Variants in FBLN7 observed in about 807,000 individuals in gnomAD.
The protein encoded by FBLN7 is fibulin-7.
FBLN7 carries 31 observed loss-of-function variants against 44.0 expected under a neutral mutation model. The observed-to-expected ratio is 0.70, with a 90% CI of 0.53 to 0.95. FBLN7 has a LOEUF of 0.95. Among genes scored for constraint, FBLN7 ranks in the 40% least tolerant of loss-of-function variants. The pLI is 0.00. For synonymous variants in FBLN7, 262 were observed against 253.4 expected (o/e 1.03, Z -0.32); for missense variants, 573 against 618.5 (o/e 0.93, Z 0.78).
chr2:112,200,742 G>A, the FBLN7 span, among the ~76,000 whole-genome samples: 1 of 152,020 alleles, frequency 6.6e-6, no homozygotes, highest in Non-Finnish European at 1.5e-5. Flanking sequence ...TGTTGGCCAG[G>A]CTGGTCTCGA....
chr2:112,187,210 C>T lies in FBLN7; in HGVS notation c.1024C>T (p.Leu342Phe). Residue 342 changes from leucine (L) to phenylalanine (F), a missense_variant, in exon 8 of 8, where the codon CTC becomes TTC. Leu to Phe is a conservative substitution (Grantham distance 22). Coordinates refer to ENST00000331203, the MANE Select transcript of FBLN7 (RefSeq NM_153214.3). The surrounding 1 kb of genome is among the most constrained non-coding windows in gnomAD (Gnocchi z 5.1). The part of the protein sequence containing the change: ...HLPKTISFHY[L>F]SLPSNLKTPI... ...GCCCAAGACCATCTCCTTCCATTAC[C>T]TCTCTCTGCCTTCCAACCTGAAGAC... 3.7e-6 allele frequency: 6 copies of T among 1,614,096 alleles called. No homozygotes were observed. Among genetic ancestry groups the T allele is most frequent in the Non-Finnish European group, 5.1e-6 (6 of 1,180,016 alleles).
chr2:112,151,424 C>T (rs1458961214), intron 1 of FBLN7: 2 of 152,194 alleles, frequency 1.3e-5, no homozygotes, highest in Non-Finnish European at 2.9e-5. Context: ...AGTCCTGTCA[C>T]ATCTCCCCTC....
chr2:112,182,660 G>A, intron 5 of FBLN7, 131 bp from the exon 6 acceptor site: 2 of 1,129,324 alleles, frequency 1.8e-6, no homozygotes, highest in Non-Finnish European at 2.5e-6. Context: ...GGGCATGGCG[G>A]CTGCCCGAGG....
chr2:112,235,274 G>C, the FBLN7 span, among the ~76,000 whole-genome samples: 5 of 152,114 alleles, frequency 3.3e-5, no homozygotes, highest in Admixed American at 2.6e-4. Flanking sequence ...ATAAATATCT[G>C]CCAGTTTAAA....
the FBLN7 span, among the ~76,000 whole-genome samples, chr2:112,197,197 T>C: frequency 1.4e-5 from 2 of 142,710 alleles, no homozygotes; most frequent in African/African-American, 5.2e-5. Flanking sequence ...TTAGTTAAGA[T>C]GGAATCATCA....
At chr2:112,162,347 T>A (rs1437555465) in intron 2 of FBLN7, among the ~76,000 whole-genome samples, 1 of 151,470 alleles carries the variant, frequency 6.6e-6, no homozygotes, top group Non-Finnish European at 1.5e-5. Context: ...GGGAATTTGC[T>A]GGGAGTCAGG....
the FBLN7 span, among the ~76,000 whole-genome samples, chr2:112,194,725 TTCCA>T: frequency 1.3e-5 from 2 of 152,228 alleles, no homozygotes; most frequent in Admixed American, 6.5e-5. Context: ...CTGTTTGGGT[TTCCA>T]GTGCCTCATG....
At chr2:112,233,281 C>T in the FBLN7 span, 7 of 1,589,120 alleles carry the variant, frequency 4.4e-6, no homozygotes, top group South Asian at 8.0e-5. Flanking sequence ...AGACAGTTTT[C>T]ACCTCTGGTA....
At chr2:112,160,438 G>A (rs1195504644) in intron 2 of FBLN7, among the ~76,000 whole-genome samples, 1 of 152,190 alleles carries the variant, frequency 6.6e-6, no homozygotes, top group East Asian at 1.9e-4. Context: ...CAACTATCAC[G>A]TCTTCATACG....
At chr2:112,239,816 C>A in the FBLN7 span, among the ~76,000 whole-genome samples, 5 of 152,238 alleles carry the variant, frequency 3.3e-5, no homozygotes, top group East Asian at 7.7e-4. Context: ...AACTGCTGAC[C>A]TCAAGTGATC....
the FBLN7 span, among the ~76,000 whole-genome samples, chr2:112,208,677 C>G: frequency 6.6e-6 from 1 of 152,282 alleles, no homozygotes; most frequent in South Asian, 2.1e-4. Flanking sequence ...TTACTACTCT[C>G]TCTCTTTTTA....
intron 3 of FBLN7, among the ~76,000 whole-genome samples, chr2:112,168,803 ATCT>A (rs1682300156): frequency 6.6e-6 from 1 of 152,158 alleles, no homozygotes; most frequent in Admixed American, 6.5e-5. Flanking sequence ...GTGGGGCATA[ATCT>A]TCTTAATTAC....
At chr2:112,190,538 A>G (rs1377498452), downstream of FBLN7, 2 of 152,158 alleles carry the variant, frequency 1.3e-5, no homozygotes, top group East Asian at 3.8e-4. Flanking sequence ...TTCTTCTTTG[A>G]GTACATTATG....
chr2:112,241,176 G>A, the FBLN7 span, among the ~76,000 whole-genome samples: 1 of 152,050 alleles, frequency 6.6e-6, no homozygotes, highest in Non-Finnish European at 1.5e-5. Flanking sequence ...ACAAAAAACA[G>A]ACAAAGCTGT....
At chr2:112,193,861 T>A in the FBLN7 span, among the ~76,000 whole-genome samples, 1 of 152,146 alleles carries the variant, frequency 6.6e-6, no homozygotes, top group Non-Finnish European at 1.5e-5. Context: ...AACAGAACAA[T>A]GATGCTGATG....
intron 1 of FBLN7, among the ~76,000 whole-genome samples, chr2:112,139,093 G>C (rs1372003951): frequency 1.0e-4 from 7 of 66,884 alleles, no homozygotes; most frequent in East Asian, 4.7e-4. Context: ...CCTCTCTCCA[G>C]GCCAGTGTCC....
At chr2:112,236,714 T>TC in the FBLN7 span, 1 of 1,580,134 alleles carries the variant, frequency 6.3e-7, no homozygotes, top group Non-Finnish European at 8.6e-7. Context: ...AAAAAATTAA[T>TC]TTAAAAAATG....
chr2:112,176,629 A>C (rs1159308600), intron 4 of FBLN7: 2 of 152,236 alleles, frequency 1.3e-5, no homozygotes, highest in East Asian at 3.8e-4. Context: ...TCAGGTTTAA[A>C]TAGTGCCCCA....
chr2:112,171,794 CT>C (rs1375958191), intron 3 of FBLN7, among the ~76,000 whole-genome samples: 3 of 152,142 alleles, frequency 2.0e-5, no homozygotes, highest in Non-Finnish European at 4.4e-5. Context: ...CTATTCTAGG[CT>C]TTATTAAATG....
Sources: allele counts gnomAD v4.1 joint callset (sites outside exome capture counted in the v4.1 genomes callset), GRCh38; gene constraint gnomAD v4.1.1; non-coding constraint Gnocchi (gnomAD v3.1); transcripts MANE v1.5; gene names NCBI Gene and HGNC (gene_info 2026-07-23, HGNC 2026-07-21).